MAS1: variants seen among roughly 807,000 people sequenced by gnomAD.
MAS1 encodes proto-oncogene Mas.
For synonymous variants in MAS1, 163 were observed against 164.2 expected, an observed-to-expected ratio of 0.99 and a Z score of 0.05; for missense variants, 387 against 409.7, an observed-to-expected ratio of 0.94 and a Z score of 0.48.
rs1339039545 is a variant in MAS1 at position 159,891,148 on chromosome 6, C to T, written c.-244+15C>T. On this transcript the variant is annotated intron_variant, in intron 1 of 2. Transcript: ENST00000674077. The stretch of plus-strand genomic sequence containing the variant: ...AAATGACACCAGTGAGTCTGCGTCC[C>T]AGTTTTTCATTGCTTAGCTGTCCTT... 6.6e-6 allele frequency among the ~76,000 whole-genome samples: 1 copy of T among 152,222 alleles called. No homozygotes were observed. Among genetic ancestry groups the T allele is most frequent in the Non-Finnish European group, 1.5e-5 (1 of 68,038 alleles).
Position 159,907,307 on chromosome 6 carries a change from A to T in MAS1, c.352A>T (p.Thr118Ser). 6.2e-7 allele frequency: 1 copy of T among 1,614,162 alleles called. No homozygotes were observed. The highest frequency in any genetic ancestry group is 8.5e-7 in the Non-Finnish European group (1 of 1,180,040). ...AGTGACTTTTCTGTTTGGCTACAAC[A>T]CGGGCCTCTATCTGCTGACGGCCAT... ...LSVTFLFGYN[T>S]GLYLLTAISV... The change falls in exon 3 of 3, where the codon ACG becomes TCG. Residue 118 changes from threonine (T) to serine (S), a missense_variant. Transcript: ENST00000674077.
Position 159,914,038 on chromosome 6 carries a change from G to A in MAS1, c.*6105G>A, listed in dbSNP as rs1278010913. 1.3e-5 allele frequency: 2 copies of A among 152,176 alleles called. No homozygotes were observed. The highest frequency in any genetic ancestry group is 2.1e-4 in the South Asian group (1 of 4,826). 9.4% of individuals were successfully genotyped at this position (152,176 alleles called of 1,614,324 possible). On this transcript the variant is annotated 3_prime_UTR_variant, in exon 3 of 3. Coordinates refer to ENST00000674077, the MANE Select transcript of MAS1 (RefSeq NM_002377.4). ...AAACTAATGATTCAAATGATAAGAG[G>A]CAAGTGCCAGGCACAAATGAAACAC...
intron 1 of MAS1, among the ~76,000 whole-genome samples, chr6:159,891,965 G>A (rs1782704372): frequency 6.6e-6 from 1 of 152,070 alleles, no homozygotes; most frequent in Admixed American, 6.6e-5. Context: ...AGCATCTCTG[G>A]CCTCTACCAA....
chr6:159,897,859 T>C (rs944329603), intron 1 of MAS1, among the ~76,000 whole-genome samples: 1 of 152,176 alleles, frequency 6.6e-6, no homozygotes, highest in African/African-American at 2.4e-5. Context: ...AGAGACCACA[T>C]AGTGGCAAAG....
chr6:159,905,526 A>C (rs1490813684), intron 2 of MAS1, among the ~76,000 whole-genome samples: 1 of 152,082 alleles, frequency 6.6e-6, no homozygotes, highest in African/African-American at 2.4e-5. Context: ...GGAAGGAAAC[A>C]CCTGTTTCAC....
intron 2 of MAS1, among the ~76,000 whole-genome samples, chr6:159,904,546 AT>A (rs1443775264): frequency 6.6e-6 from 1 of 152,110 alleles, no homozygotes; most frequent in Non-Finnish European, 1.5e-5. Flanking sequence ...CCACAACCTG[AT>A]TTATGCTAAC....
At chr6:159,895,625 G>T (rs1782746866) in intron 1 of MAS1, among the ~76,000 whole-genome samples, 1 of 152,116 alleles carries the variant, frequency 6.6e-6, no homozygotes, top group Non-Finnish European at 1.5e-5. Context: ...ATAAAAGAAT[G>T]TCCAACCTCA....
At position 159,912,516 on chromosome 6, in the gene MAS1, T is replaced by G. The variant is rs1782975958; in HGVS notation, c.*4583T>G. The G allele has an allele frequency of 6.6e-6, 1 of 152,184 alleles. No individual in the cohort carries two copies. Among genetic ancestry groups the G allele is most frequent in the African/African-American group, 2.4e-5 (1 of 41,432 alleles). The allele number at this position is 152,184 out of a possible 1,614,324, so 9.4% of individuals were successfully genotyped here. A position where few individuals can be genotyped will look rare whatever the true frequency, so the allele number is the denominator to read the frequency against. Reference sequence around the variant, plus strand: ...TGAAGAAAGGAGGAGGTGGGAGCAATCAAGTATTTGCTTGCTTGATTCCAC... The same window carrying G: ...TGAAGAAAGGAGGAGGTGGGAGCAAGCAAGTATTTGCTTGCTTGATTCCAC... On this transcript the variant is annotated 3_prime_UTR_variant, in exon 3 of 3. Coordinates refer to ENST00000674077, the MANE Select transcript of MAS1 (RefSeq NM_002377.4).
intron 1 of MAS1, among the ~76,000 whole-genome samples, chr6:159,891,364 G>T (rs1198060021): frequency 6.6e-6 from 1 of 152,176 alleles, no homozygotes; most frequent in Non-Finnish European, 1.5e-5. Flanking sequence ...ACTGTTCCCA[G>T]ACATTGTTTT....
rs1476245900 is a variant in MAS1, at chr6:159,912,676, C to G, written c.*4743C>G. On this transcript the variant is annotated 3_prime_UTR_variant, in exon 3 of 3. Coordinates refer to ENST00000674077, the MANE Select transcript of MAS1 (RefSeq NM_002377.4). ...TAAAATGGGTACCATCAGGCCTCCCCCTGCTTAGCACCAGAGTCTCTCTCA... is the reference window on the plus strand; with the variant it reads ...TAAAATGGGTACCATCAGGCCTCCCGCTGCTTAGCACCAGAGTCTCTCTCA... 6.6e-6 allele frequency: 1 copy of G among 152,204 alleles called. No homozygotes were observed. The highest frequency in any genetic ancestry group is 6.5e-5 in the Admixed American group (1 of 15,284). The allele number at this position is 152,204 out of a possible 1,614,324, so 9.4% of individuals were successfully genotyped here.
chr6:159,889,270 G>T (rs529894960), upstream of MAS1, among the ~76,000 whole-genome samples: 4 of 152,188 alleles, frequency 2.6e-5, no homozygotes, highest in Admixed American at 6.5e-5. Flanking sequence ...AAAGCAAATT[G>T]GTGAGGACCT....
At chr6:159,902,279 A>G (rs1562310850) in intron 2 of MAS1, 1 of 152,314 alleles carries the variant, frequency 6.6e-6, no homozygotes, top group South Asian at 2.1e-4. Context: ...AGATGAAAGC[A>G]CTTGGCTTCC....
rs376320741 is a variant in MAS1 at position 159,906,928 on chromosome 6, C to T, written c.-28C>T. 17 of 1,551,756 alleles carry T rather than the reference C, an allele frequency of 1.1e-5. No individual in the cohort carries two copies. The highest frequency in any genetic ancestry group is 1.3e-5 in the Non-Finnish European group (15 of 1,146,294). ...TCTGGACATATTTACAGAAAATTAC[C>T]TGAAGAGTTCCAACCTGAGGCCTCC... On this transcript the variant is annotated 5_prime_UTR_variant, in exon 3 of 3. Transcript: ENST00000674077.
rs73586499 is a variant in MAS1 at position 159,896,498 on chromosome 6, C to T, written c.-243-2688C>T. Among the ~76,000 whole-genome samples, 632 of 152,246 alleles carry T rather than the reference C, an allele frequency of 4.2e-3. 6 individuals are homozygous for T. The highest frequency in any genetic ancestry group is 0.015 in the African/African-American group (609 of 41,536). ...AAACGAGCGTGTGTAAGACATTGAA[C>T]AAAGACCAATGGAATATCCTAAATG... On this transcript the variant is annotated intron_variant, in intron 1 of 2. Transcript: ENST00000674077.
chr6:159,903,439 G>A (rs989495357), intron 2 of MAS1, among the ~76,000 whole-genome samples: 8 of 152,160 alleles, frequency 5.3e-5, no homozygotes, highest in African/African-American at 1.9e-4. Flanking sequence ...CGAGCACTAA[G>A]CTGGGCGGGC....
chr6:159,903,294 C>T (rs1303425902), intron 2 of MAS1, among the ~76,000 whole-genome samples: 1 of 152,250 alleles, frequency 6.6e-6, no homozygotes, highest in South Asian at 2.1e-4. Flanking sequence ...TTGACCCCCA[C>T]TCTGTGTCGT....
At chr6:159,898,017 G>A (rs1186491431) in intron 1 of MAS1, among the ~76,000 whole-genome samples, 4 of 151,660 alleles carry the variant, frequency 2.6e-5, no homozygotes, top group East Asian at 3.9e-4. Context: ...CTCTGCTTCC[G>A]AGTATCTGGG....
At position 159,907,238 on chromosome 6, in the gene MAS1, T is replaced by G; in HGVS notation, c.283T>G (p.Tyr95Asp). 1 of 1,614,226 alleles carries G rather than the reference T, an allele frequency of 6.2e-7. No homozygotes were observed. Residue 95 changes from tyrosine (Y) to aspartate (D), a missense_variant, in exon 3 of 3, where the codon TAT becomes GAT. Coordinates refer to ENST00000674077, the MANE Select transcript of MAS1 (RefSeq NM_002377.4). ...FILSIDYALD[Y>D]ELSSGHYYTI... Reference sequence around the variant, plus strand: ...CTTGTCTATCGACTATGCTTTAGATTATGAGCTTTCTTCTGGCCATTACTA... The same window carrying G: ...CTTGTCTATCGACTATGCTTTAGATGATGAGCTTTCTTCTGGCCATTACTA...
Position 159,903,988 on chromosome 6 carries a change from G to A in MAS1, c.-36-2932G>A, listed in dbSNP as rs566347867. On this transcript the variant is annotated intron_variant, in intron 2 of 2. Transcript: ENST00000674077. ...ACTCCCATGGTCAATATCAAGTTCCGGGTCTCAGCCCACTTGAACTTGCAG... is the reference window on the plus strand; with the variant it reads ...ACTCCCATGGTCAATATCAAGTTCCAGGTCTCAGCCCACTTGAACTTGCAG... Among the ~76,000 whole-genome samples the A allele has an allele frequency of 1.1e-4, 17 of 152,206 alleles. No individual in the cohort carries two copies. The South Asian group carries it at 1.5e-3, about 13-fold the overall frequency.
Sources: allele counts gnomAD v4.1 joint callset (sites outside exome capture counted in the v4.1 genomes callset), GRCh38; gene constraint gnomAD v4.1.1; transcripts MANE v1.5; gene names NCBI Gene and HGNC (gene_info 2026-07-23, HGNC 2026-07-21).